Variants in DNAJB13 observed in about 807,000 individuals in gnomAD.
The protein encoded by DNAJB13 is DnaJ heat shock protein family (Hsp40) member B13, also known as dnaJ homolog subfamily B member 13.
Under a neutral mutation model 35.6 loss-of-function variants are expected in DNAJB13, and 22 were observed. That is an observed-to-expected ratio of 0.62 (90% CI 0.44 to 0.88). The LOEUF (loss-of-function observed/expected upper bound fraction) is 0.88. Ranked by LOEUF, DNAJB13 falls within the 40% of genes least tolerant of loss-of-function variation. The pLI, the probability that DNAJB13 is intolerant of heterozygous loss-of-function variation, is 0.00. For synonymous variants in DNAJB13, 136 were observed against 144.2 expected (o/e 0.94, Z 0.41); for missense variants, 370 against 384.3 (o/e 0.96, Z 0.31).
rs183789783 is a variant in DNAJB13 at position 73,958,572 on chromosome 11, G to A, written c.172+152G>A. ...CACAGAGAAGACAGAATACGGACCCGCCTTTCTCAGTAGAAGCAAGCTGAG... is the reference window on the plus strand; with the variant it reads ...CACAGAGAAGACAGAATACGGACCCACCTTTCTCAGTAGAAGCAAGCTGAG... On this transcript the variant is annotated intron_variant, in intron 2 of 7. Transcript: ENST00000339764. 1.1e-3 allele frequency: 824 copies of A among 765,802 alleles called. 2 individuals are homozygous for A. The highest frequency in any genetic ancestry group is 1.5e-3 in the Non-Finnish European group (726 of 477,166). The allele number at this position is 765,802 out of a possible 1,614,324, so 47.4% of individuals were successfully genotyped here.
At chr11:73,959,366 A>G (rs1470269126) in intron 2 of DNAJB13, 128 bp from the exon 3 acceptor site, 3 of 1,040,518 alleles carry the variant, frequency 2.9e-6, no homozygotes, top group African/African-American at 1.6e-5. Flanking sequence ...AGACTGCCAG[A>G]CAGCAGGCAC....
intron 3 of DNAJB13, 66 bp from the exon 4 acceptor site, chr11:73,964,812 T>TGTGTGTGC (rs1491290663): frequency 8.3e-5 from 58 of 698,174 alleles, no homozygotes; most frequent in Middle Eastern, 4.5e-4. Context: ...TGTGTGTGTG[T>TGTGTGTGC]GCGCGCGCGC....
Position 73,955,282 on chromosome 11 carries a change from A to T in DNAJB13, c.69-3035A>T, listed in dbSNP as rs1057074806. On this transcript the variant is annotated intron_variant, in intron 1 of 7. Coordinates refer to ENST00000339764, the MANE Select transcript of DNAJB13 (RefSeq NM_153614.4). ...GAAACCACTCAAATTTATATGAAAA[A>T]CTAAACCTTTCTCAAACCTTGTTAC... is the stretch of plus-strand genomic sequence containing the variant. Among the ~76,000 whole-genome samples, 4 of 151,162 alleles carry T rather than the reference A, an allele frequency of 2.6e-5. No individual in the cohort carries two copies. In the South Asian group the frequency reaches 8.4e-4, roughly 32 times the overall value.
In DNAJB13 at chr11:73,958,426, T is replaced by TAG. The variant is rs1950823163; in HGVS notation, c.172+7_172+8dup. ...CTACGACGTGCTGAGTGACCGTGAG[T>TAG]AGGTGTGGGGCTGAGCACCCCGCTT... is the stretch of plus-strand genomic sequence containing the variant. On this transcript the variant is annotated splice_region_variant and intron_variant, in intron 2 of 7. Coordinates refer to ENST00000339764, the MANE Select transcript of DNAJB13 (RefSeq NM_153614.4). 1 of 1,613,296 alleles carries TAG rather than the reference T, an allele frequency of 6.2e-7. No individual in the cohort carries two copies. The highest frequency in any genetic ancestry group is 1.7e-5 in the Admixed American group (1 of 59,968).
Position 73,965,023 on chromosome 11 carries a change from G to T in DNAJB13, c.480G>T (p.Lys160Asn). 6.3e-7 allele frequency: 1 copy of T among 1,591,150 alleles called. No homozygotes were observed. Among genetic ancestry groups the T allele is most frequent in the Non-Finnish European group, 8.5e-7 (1 of 1,170,364 alleles). ...DLFFGCTKKI[K>N]ISRRVLNEDG... ...TCTTTGGCTGCACCAAAAAAATTAA[G>T]ATCTCCAGAAGGGTGAGTACTCAGC... Residue 160 changes from lysine (K) to asparagine (N), a missense_variant, in exon 4 of 8, where the codon AAG becomes AAT. Physicochemically the swap from Lys to Asn is moderately conservative, Grantham distance 94. Coordinates refer to ENST00000339764, the MANE Select transcript of DNAJB13 (RefSeq NM_153614.4).
chr11:73,959,427 T>TC, intron 2 of DNAJB13, 67 bp from the exon 3 acceptor site: 1 of 1,556,596 alleles, frequency 6.4e-7, no homozygotes, highest in Non-Finnish European at 8.7e-7. Flanking sequence ...TCCGCCTGCT[T>TC]CCCAGCCCCT....
At chr11:73,968,310 C>G in intron 5 of DNAJB13, 35 bp from the exon 6 acceptor site, 1 of 1,592,306 alleles carries the variant, frequency 6.3e-7, no homozygotes, top group Non-Finnish European at 8.6e-7. Context: ...ACACGGCCAA[C>G]TAGTCCTTGT....
chr11:73,966,883 C>T (rs1951131793), intron 5 of DNAJB13, among the ~76,000 whole-genome samples: 2 of 136,182 alleles, frequency 1.5e-5, no homozygotes. Flanking sequence ...GACAGAGTCT[C>T]GCTCTGTTAC....
At chr11:73,951,217 G>A in intron 1 of DNAJB13, 80 bp downstream of exon 1, 1 of 1,522,196 alleles carries the variant, frequency 6.6e-7, no homozygotes, top group Non-Finnish European at 9.1e-7. Flanking sequence ...GAGCTTTCCT[G>A]CACAGCTTAG....
chr11:73,965,095 T>C, intron 4 of DNAJB13, 60 bp downstream of exon 4: 4 of 1,504,138 alleles, frequency 2.7e-6, no homozygotes, highest in Non-Finnish European at 1.8e-6. Context: ...AGCAGCTGCC[T>C]CCTCCCTTAC....
chr11:73,967,470 C>T (rs1007682784), intron 5 of DNAJB13, among the ~76,000 whole-genome samples: 3 of 152,156 alleles, frequency 2.0e-5, no homozygotes, highest in Non-Finnish European at 4.4e-5. Flanking sequence ...TCCGGTCTGG[C>T]CTGGTGGCTC....
intron 3 of DNAJB13, among the ~76,000 whole-genome samples, chr11:73,962,403 T>TGGTG (rs764475772): frequency 1.9e-4 from 1 of 5,296 alleles, no homozygotes; most frequent in African/African-American, 1.0e-3. Flanking sequence ...GACGAGCACA[T>TGGTG]GGTGGGTGGG....
Position 73,970,096 on chromosome 11 carries a change from C to T in DNAJB13, c.933C>T (p.Arg311=). The part of the protein sequence containing the change: ...RLTPQKKQML[R]QALLT ...CACCCCAGAAGAAGCAGATGCTGCG[C>T]CAGGCATTGCTGACATGACTGTGGT... Residue 311 remains arginine (R), a synonymous_variant, in exon 8 of 8, where the codon CGC becomes CGT. Coordinates refer to ENST00000339764, the MANE Select transcript of DNAJB13 (RefSeq NM_153614.4). 1 of 1,606,682 alleles carries T rather than the reference C, an allele frequency of 6.2e-7. No homozygotes were observed. Among genetic ancestry groups the T allele is most frequent in the South Asian group, 1.1e-5 (1 of 89,270 alleles).
chr11:73,969,204 G>A, intron 6 of DNAJB13, 42 bp from the exon 7 acceptor site: 1 of 782,174 alleles, frequency 1.3e-6, no homozygotes, highest in Non-Finnish European at 2.2e-6. Context: ...GAGAGCCATG[G>A]TGACCCTCCT....
At position 73,965,020 on chromosome 11, in the gene DNAJB13, T is replaced by A. The variant is rs770591587; in HGVS notation, c.477T>A (p.Ile159=). The change falls in exon 4 of 8, where the codon ATT becomes ATA. Residue 159 remains isoleucine, a synonymous_variant. Transcript: ENST00000339764. ...TATTCTTTGGCTGCACCAAAAAAATTAAGATCTCCAGAAGGGTGAGTACTC... is the reference window on the plus strand; with the variant it reads ...TATTCTTTGGCTGCACCAAAAAAATAAAGATCTCCAGAAGGGTGAGTACTC... The part of the protein sequence containing the change: ...EDLFFGCTKK[I]KISRRVLNED... 6.3e-7 allele frequency: 1 copy of A among 1,592,754 alleles called. No individual in the cohort carries two copies. Among genetic ancestry groups the A allele is most frequent in the East Asian group, 2.2e-5 (1 of 44,684 alleles).
chr11:73,969,701 T>C (rs921859733), intron 7 of DNAJB13, among the ~76,000 whole-genome samples: 1 of 152,184 alleles, frequency 6.6e-6, no homozygotes, highest in African/African-American at 2.4e-5. Context: ...ACCCTCGCCC[T>C]CACCCCAGGG....
chr11:73,963,936 G>C (rs537056001), intron 3 of DNAJB13: 31 of 152,300 alleles, frequency 2.0e-4, no homozygotes, highest in African/African-American at 7.2e-4. Context: ...ATATTGTCCT[G>C]TGGTTCAGAT....
rs1554989417 is a variant in DNAJB13, at chr11:73,954,643, A to AAATAAATAAAT, written c.68+3508_68+3509insTAAATAAATAA. On this transcript the variant is annotated intron_variant, in intron 1 of 7. Transcript: ENST00000339764. ...AGACTCCGTCTCAAAAAAAAAAAATAAAATAAATAAATAAATAAATAAATA... is the reference window on the plus strand; with the variant it reads ...AGACTCCGTCTCAAAAAAAAAAAATAAATAAATAAATAAATAAATAAATAAATAAATAAATA... Among the ~76,000 whole-genome samples, 43 of 132,250 alleles carry AAATAAATAAAT rather than the reference A, an allele frequency of 3.3e-4. 1 individual carries two copies. The highest frequency in any genetic ancestry group is 1.1e-3 in the African/African-American group (41 of 36,884). 86.8% of individuals were successfully genotyped at this position (132,250 alleles called of 152,430 possible).
In DNAJB13 at chr11:73,958,353, G is replaced by C. The variant is rs1218522660; in HGVS notation, c.105G>C (p.Lys35Asn). 6.2e-7 allele frequency: 1 copy of C among 1,614,062 alleles called. No homozygotes were observed. The highest frequency in any genetic ancestry group is 1.3e-5 in the African/African-American group (1 of 74,926). ...TCGCCCTTAAGCACCACCCGTTGAA[G>C]TCAAATGAGCCGTCTTCAGCAGAGA... Reference protein sequence around the residue: ...RRLALKHHPLKSNEPSSAEIF... With the variant: ...RRLALKHHPLNSNEPSSAEIF... The change falls in exon 2 of 8, where the codon AAG becomes AAC. Residue 35 changes from lysine (K) to asparagine (N), a missense_variant. Lys to Asn is a moderately conservative substitution (Grantham distance 94, BLOSUM62 0). Coordinates refer to ENST00000339764, the MANE Select transcript of DNAJB13 (RefSeq NM_153614.4).
Sources: allele counts gnomAD v4.1 joint callset (sites outside exome capture counted in the v4.1 genomes callset), GRCh38; gene constraint gnomAD v4.1.1; transcripts MANE v1.5; gene names NCBI Gene and HGNC (gene_info 2026-07-23, HGNC 2026-07-21).